LDLRAD4: variants seen among roughly 807,000 people sequenced by gnomAD.
The protein encoded by LDLRAD4 is low density lipoprotein receptor class A domain containing 4, also known as low-density lipoprotein receptor class A domain-containing protein 4.
A neutral mutation model predicts 17.0 loss-of-function variants in LDLRAD4; 5 were observed. The observed-to-expected ratio is 0.29, with a 90% CI of 0.15 to 0.62. LDLRAD4 has a LOEUF of 0.62. Among genes scored for constraint, LDLRAD4 ranks in the 20% least tolerant of loss-of-function variants. The pLI is 0.84. For synonymous variants in LDLRAD4, 168 were observed against 171.8 expected (o/e 0.98, Z 0.17); for missense variants, 340 against 424.7 (o/e 0.80, Z 1.75).
intron 1 of LDLRAD4, among the ~76,000 whole-genome samples, chr18:13,284,694 G>T (rs558241873): frequency 2.0e-5 from 3 of 152,154 alleles, no homozygotes; most frequent in Non-Finnish European, 4.4e-5. Context: ...CCCTGTGTGG[G>T]TGAGGTGAGT....
intron 1 of LDLRAD4, among the ~76,000 whole-genome samples, chr18:13,324,646 G>C (rs1037610154): frequency 6.6e-6 from 1 of 152,132 alleles, no homozygotes; most frequent in African/African-American, 2.4e-5. Context: ...GTGGGCTGCT[G>C]CTGATGATCT....
chr18:13,248,131 TG>T (rs145442887), intron 1 of LDLRAD4, among the ~76,000 whole-genome samples: 2,302 of 152,192 alleles, frequency 0.015, 56 homozygotes, highest in African/African-American at 0.052. Context: ...TGGCTAATTT[TG>T]GTATTTTTTT....
At chr18:13,422,673 G>C (rs891774944) in intron 2 of LDLRAD4, among the ~76,000 whole-genome samples, 1 of 152,200 alleles carries the variant, frequency 6.6e-6, no homozygotes, top group Non-Finnish European at 1.5e-5. Flanking sequence ...ACTCCAGCCT[G>C]GGTGGCAGAG....
At chr18:13,533,233 T>C (rs555125500) in intron 3 of LDLRAD4, among the ~76,000 whole-genome samples, 1 of 152,246 alleles carries the variant, frequency 6.6e-6, no homozygotes, top group Admixed American at 6.5e-5. Flanking sequence ...AAAGAGATGT[T>C]TTTGTTGCTG....
intron 3 of LDLRAD4, among the ~76,000 whole-genome samples, chr18:13,525,775 C>T (rs983861813): frequency 2.0e-5 from 3 of 152,220 alleles, no homozygotes; most frequent in African/African-American, 4.8e-5. Context: ...AAAGCCCTTA[C>T]TTAGCAGACT....
At chr18:13,254,857 A>C (rs1049659911) in intron 1 of LDLRAD4, among the ~76,000 whole-genome samples, 1 of 152,204 alleles carries the variant, frequency 6.6e-6, no homozygotes, top group African/African-American at 2.4e-5. Context: ...CCAGCAACTT[A>C]GGAGCGTGAG....
intron 3 of LDLRAD4, chr18:13,616,260 G>C (rs117285392): frequency 3.7e-5 from 5 of 133,540 alleles, no homozygotes; most frequent in Admixed American, 7.5e-5. Context: ...GTGGGGGGGG[G>C]GGGGTTGCCA....
chr18:13,351,443 G>A (rs1283704958), intron 1 of LDLRAD4, among the ~76,000 whole-genome samples: 4 of 152,086 alleles, frequency 2.6e-5, no homozygotes, highest in African/African-American at 4.8e-5. Flanking sequence ...TGTTGTTGGT[G>A]TATAGGAATG....
chr18:13,290,665 G>T (rs145768094), intron 1 of LDLRAD4, among the ~76,000 whole-genome samples: 1 of 152,142 alleles, frequency 6.6e-6, no homozygotes, highest in Non-Finnish European at 1.5e-5. Context: ...TTTACCTTCA[G>T]ATGTGTGAGC....
At chr18:13,449,156 G>T (rs146563522) in intron 3 of LDLRAD4, among the ~76,000 whole-genome samples, 24 of 152,364 alleles carry the variant, frequency 1.6e-4, no homozygotes, top group African/African-American at 5.8e-4. Context: ...CTTGTTTCAG[G>T]AGTTTGCAGT....
intron 1 of LDLRAD4, among the ~76,000 whole-genome samples, chr18:13,352,115 A>G (rs2083074275): frequency 6.6e-6 from 1 of 152,226 alleles, no homozygotes; most frequent in Non-Finnish European, 1.5e-5. Context: ...AACATATCTC[A>G]AAATAATAAG....
chr18:13,414,459 T>C (rs2088683494), intron 2 of LDLRAD4, among the ~76,000 whole-genome samples: 1 of 152,204 alleles, frequency 6.6e-6, no homozygotes, highest in Non-Finnish European at 1.5e-5. Flanking sequence ...GACACTGGAG[T>C]GCATTTGATG....
At chr18:13,426,641 T>G (rs920762715) in intron 2 of LDLRAD4, among the ~76,000 whole-genome samples, 2 of 152,288 alleles carry the variant, frequency 1.3e-5, no homozygotes, top group East Asian at 3.9e-4. Flanking sequence ...CCTTGAGTGT[T>G]ATCAGTTACA....
At chr18:13,297,333 T>G (rs539641533) in intron 1 of LDLRAD4, among the ~76,000 whole-genome samples, 1 of 152,268 alleles carries the variant, frequency 6.6e-6, no homozygotes, top group African/African-American at 2.4e-5. Flanking sequence ...CACATGGCCC[T>G]TTCTCTGTTG....
At chr18:13,321,449 G>A (rs1465111300) in intron 1 of LDLRAD4, among the ~76,000 whole-genome samples, 1 of 152,146 alleles carries the variant, frequency 6.6e-6, no homozygotes, top group Non-Finnish European at 1.5e-5. Context: ...TTAAGTGGTT[G>A]TTTACAGCTC....
intron 1 of LDLRAD4, among the ~76,000 whole-genome samples, chr18:13,372,529 G>A (rs2084592800): frequency 6.6e-6 from 1 of 152,328 alleles, no homozygotes; most frequent in Non-Finnish European, 1.5e-5. Flanking sequence ...AATTATTTAT[G>A]TTAATTGGTG....
In LDLRAD4 at chr18:13,228,696, A is replaced by AAAATGTT. The variant is rs1392969487; in HGVS notation, c.-467+9712_-467+9718dup. Among the ~76,000 whole-genome samples the AAAATGTT allele has an allele frequency of 2.0e-5, 3 of 152,322 alleles. No homozygotes were observed. In the East Asian group the frequency reaches 5.8e-4, roughly 29 times the overall value. Reference sequence around the variant, plus strand: ...ATAGTAAGACCCTATCTCTACAAAAAAAATGTTAAAAAATTGTGCCCCTAA... The same window carrying AAAATGTT: ...ATAGTAAGACCCTATCTCTACAAAAAAAATGTTAAATGTTAAAAAATTGTGCCCCTAA... On this transcript the variant is annotated intron_variant, in intron 1 of 5. Coordinates refer to the LDLRAD4 transcript ENST00000399848.
At chr18:13,288,550 T>C (rs878980432) in intron 1 of LDLRAD4, among the ~76,000 whole-genome samples, 1 of 152,180 alleles carries the variant, frequency 6.6e-6, no homozygotes, top group Admixed American at 6.5e-5. Flanking sequence ...TAGCGCAATA[T>C]AGTGACTATG....
intron 1 of LDLRAD4, among the ~76,000 whole-genome samples, chr18:13,310,469 C>T (rs1169842991): frequency 3.9e-5 from 6 of 152,180 alleles, no homozygotes; most frequent in Admixed American, 3.9e-4. Flanking sequence ...AAAAGACAGT[C>T]CTTGCCCTAG....
Sources: gnomAD v4.1 joint callset for allele counts (sites outside exome capture counted in the v4.1 genomes callset) on GRCh38, gnomAD v4.1.1 for gene constraint, MANE v1.5 for transcripts, NCBI Gene and HGNC (gene_info 2026-07-23, HGNC 2026-07-21) for gene names.